ATL1: variants seen among roughly 807,000 people sequenced by gnomAD.
The protein encoded by ATL1 is atlastin-1.
A neutral mutation model predicts 75.5 loss-of-function variants in ATL1; 31 were observed. The observed-to-expected ratio is 0.41, with a 90% CI of 0.31 to 0.55. The LOEUF (loss-of-function observed/expected upper bound fraction) is 0.55, where lower values mean the gene tolerates loss of function less well. ATL1 is among the 20% of genes least tolerant of loss of function. The pLI, the probability that ATL1 is intolerant of heterozygous loss-of-function variation, is 0.27. For missense variants in ATL1, 405 were observed against 662.6 expected (o/e 0.61, Z 4.27); for synonymous variants, 226 against 233.3 (o/e 0.97, Z 0.28).
intron 6 of ATL1, among the ~76,000 whole-genome samples, chr14:50,609,510 TCA>T (rs1038042839): frequency 1.3e-5 from 2 of 152,024 alleles, no homozygotes; most frequent in African/African-American, 4.8e-5. Flanking sequence ...ATATCATAAT[TCA>T]ACCATCCCTG....
intron 1 of ATL1, chr14:50,542,474 G>T (rs1566706023): frequency 6.6e-6 from 1 of 152,186 alleles, no homozygotes; most frequent in East Asian, 1.9e-4. Context: ...AAAAATAAAA[G>T]AAAATAAAAG....
At chr14:50,536,710 G>C (rs1245910852) in intron 1 of ATL1, among the ~76,000 whole-genome samples, 1 of 152,228 alleles carries the variant, frequency 6.6e-6, no homozygotes, top group Non-Finnish European at 1.5e-5. Flanking sequence ...TGGAGCAAAG[G>C]TGACTTTTGT....
At chr14:50,581,474 G>GTATT (rs1385021053) in intron 1 of ATL1, among the ~76,000 whole-genome samples, 1 of 152,026 alleles carries the variant, frequency 6.6e-6, no homozygotes, top group Non-Finnish European at 1.5e-5. Flanking sequence ...ATATAGTGTA[G>GTATT]TATTGGTGCT....
chr14:50,569,531 A>T (rs975262281), intron 1 of ATL1, among the ~76,000 whole-genome samples: 4 of 152,126 alleles, frequency 2.6e-5, no homozygotes, highest in East Asian at 1.9e-4. Context: ...AGTTTTTTTT[A>T]AAAGTATTAG....
intron 6 of ATL1, among the ~76,000 whole-genome samples, chr14:50,597,220 C>CAAAAAGAA (rs1555364367): frequency 1.1e-4 from 12 of 108,404 alleles, no homozygotes; most frequent in African/African-American, 5.0e-4. Context: ...AAAAAACAAA[C>CAAAAAGAA]AAAAAAAAAA....
At chr14:50,553,518 A>G (rs2038728695) in intron 1 of ATL1, among the ~76,000 whole-genome samples, 1 of 152,190 alleles carries the variant, frequency 6.6e-6, no homozygotes, top group Non-Finnish European at 1.5e-5. Context: ...GTAAACTAGT[A>G]CAACCACTAC....
chr14:50,545,345 A>G (rs902591987), intron 1 of ATL1, among the ~76,000 whole-genome samples: 2 of 152,194 alleles, frequency 1.3e-5, no homozygotes, highest in Admixed American at 1.3e-4. Flanking sequence ...ATTATTCTAT[A>G]AAATCCTGGG....
At chr14:50,595,078 G>A (rs967218335) in intron 5 of ATL1, among the ~76,000 whole-genome samples, 4 of 151,438 alleles carry the variant, frequency 2.6e-5, no homozygotes, top group African/African-American at 9.7e-5. Context: ...CATTTCTTAA[G>A]CTAAATGCCT....
chr14:50,597,343 A>T (rs2140211695), intron 6 of ATL1, among the ~76,000 whole-genome samples: 1 of 152,290 alleles, frequency 6.6e-6, no homozygotes, highest in South Asian at 2.1e-4. Flanking sequence ...TGTGGATTGG[A>T]AAAAAGCTAG....
At chr14:50,586,129 T>A (rs988135524) in intron 1 of ATL1, among the ~76,000 whole-genome samples, 3 of 152,214 alleles carry the variant, frequency 2.0e-5, no homozygotes, top group Non-Finnish European at 4.4e-5. Context: ...ATAAAACTTC[T>A]TATCAAATAG....
At chr14:50,540,973 A>G (rs866331032) in intron 1 of ATL1, among the ~76,000 whole-genome samples, 1 of 152,232 alleles carries the variant, frequency 6.6e-6, no homozygotes, top group Non-Finnish European at 1.5e-5. Flanking sequence ...GAGAATGTGG[A>G]TTATTAAAAA....
chr14:50,563,275 G>T (rs2038869322), intron 1 of ATL1, among the ~76,000 whole-genome samples: 1 of 152,120 alleles, frequency 6.6e-6, no homozygotes. Context: ...GTAAGTAAAA[G>T]GACTGAAATT....
At chr14:50,598,588 C>T (rs1566726563) in intron 6 of ATL1, among the ~76,000 whole-genome samples, 1 of 152,056 alleles carries the variant, frequency 6.6e-6, no homozygotes. Context: ...GTCTCGAACT[C>T]CTGACCTCAG....
chr14:50,547,551 C>G (rs1180511087), intron 1 of ATL1, among the ~76,000 whole-genome samples: 1 of 152,178 alleles, frequency 6.6e-6, no homozygotes, highest in East Asian at 1.9e-4. Context: ...TACTGCCTAC[C>G]AGGGGAAGAT....
intron 4 of ATL1, chr14:50,591,862 A>G (rs2140205748): frequency 2.0e-6 from 1 of 498,102 alleles, no homozygotes; most frequent in South Asian, 2.4e-5. Context: ...CTTTGGTTAG[A>G]AAAGGTCATA....
At chr14:50,632,125 A>G in intron 13 of ATL1, 104 bp from the exon 14 acceptor site, 2 of 681,970 alleles carry the variant, frequency 2.9e-6, no homozygotes, top group South Asian at 2.1e-5. Context: ...AAGATTTCAA[A>G]TTCAACATGC....
In ATL1 at chr14:50,623,161, T is replaced by C. The variant is rs2039483946; in HGVS notation, c.1048-16T>C. 1 of 1,611,648 alleles carries C rather than the reference T, an allele frequency of 6.2e-7. No individual in the cohort carries two copies. The highest frequency in any genetic ancestry group is 8.5e-7 in the Non-Finnish European group (1 of 1,178,450). ...ATGAACTGCATTTTACATCATATTT[T>C]GTACTTTGTCCAAAGGCCACAGCAG... is the stretch of plus-strand genomic sequence containing the variant. On this transcript the variant is annotated splice_polypyrimidine_tract_variant and intron_variant, in intron 10 of 13. Coordinates refer to ENST00000358385, the MANE Select transcript of ATL1 (RefSeq NM_015915.5).
At chr14:50,590,575 C>G (rs1477844830) in intron 2 of ATL1, among the ~76,000 whole-genome samples, 1 of 152,112 alleles carries the variant, frequency 6.6e-6, no homozygotes, top group Non-Finnish European at 1.5e-5. Flanking sequence ...TCTTGCCTGA[C>G]CAATGGTTAG....
At chr14:50,568,964 T>C (rs1267657835) in intron 1 of ATL1, among the ~76,000 whole-genome samples, 1 of 152,148 alleles carries the variant, frequency 6.6e-6, no homozygotes, top group Non-Finnish European at 1.5e-5. Context: ...CTCCTTTACA[T>C]GTCCATCCTC....
Sources: allele counts gnomAD v4.1 joint callset (sites outside exome capture counted in the v4.1 genomes callset), GRCh38; gene constraint gnomAD v4.1.1; transcripts MANE v1.5; gene names NCBI Gene and HGNC (gene_info 2026-07-23, HGNC 2026-07-21).